PSMD5: variants seen among roughly 807,000 people sequenced by gnomAD.
The protein encoded by PSMD5 is 26S proteasome non-ATPase regulatory subunit 5.
PSMD5 carries 40 observed loss-of-function variants against 52.1 expected under a neutral mutation model. That is an observed-to-expected ratio of 0.77 (90% confidence interval 0.60 to 1.00). PSMD5 has a LOEUF of 1.00. Ranked by LOEUF, PSMD5 falls within the 50% of genes least tolerant of loss-of-function variation. The probability of loss-of-function intolerance (pLI) is 0.00; values close to 1 mark genes in which losing one functional copy is unlikely to be tolerated. For synonymous variants in PSMD5, 211 were observed against 226.6 expected, an observed-to-expected ratio of 0.93 and a Z score of 0.62; for missense variants, 575 against 605.2, an observed-to-expected ratio of 0.95 and a Z score of 0.52.
intron 5 of PSMD5, among the ~76,000 whole-genome samples, 199 bp from the exon 6 acceptor site, chr9:120,827,106 C>T (rs1028064188): frequency 2.0e-5 from 3 of 152,180 alleles, no homozygotes; most frequent in African/African-American, 7.2e-5. Context: ...TTATTATAGG[C>T]AGAGTTTAGA....
chr9:120,837,435 TA>T (rs1223954904), intron 1 of PSMD5, among the ~76,000 whole-genome samples: 1 of 152,186 alleles, frequency 6.6e-6, no homozygotes, highest in Non-Finnish European at 1.5e-5. Context: ...CAGGTCACTG[TA>T]GCCTCCACCT....
chr9:120,820,406 G>A (rs368521411), intron 9 of PSMD5, among the ~76,000 whole-genome samples: 18 of 152,310 alleles, frequency 1.2e-4, no homozygotes, highest in East Asian at 5.8e-4. Context: ...AGTCCTTGAC[G>A]AGTGAGTAAG....
chr9:120,827,545 G>C (rs1181097098), intron 5 of PSMD5, among the ~76,000 whole-genome samples: 1 of 152,050 alleles, frequency 6.6e-6, no homozygotes, highest in Non-Finnish European at 1.5e-5. Flanking sequence ...AAACTGTTTT[G>C]ACTGACCATT....
At chr9:120,828,186 G>A (rs1472951448) in intron 5 of PSMD5, among the ~76,000 whole-genome samples, 1 of 152,042 alleles carries the variant, frequency 6.6e-6, no homozygotes, top group Non-Finnish European at 1.5e-5. Flanking sequence ...TTTTAGTAGA[G>A]ACAGGGTTTC....
intron 1 of PSMD5, among the ~76,000 whole-genome samples, chr9:120,839,172 G>A (rs921964064): frequency 6.6e-6 from 1 of 152,140 alleles, no homozygotes; most frequent in East Asian, 1.9e-4. Context: ...TGCAAGTCAG[G>A]CTTAAGGAAA....
At chr9:120,832,138 G>A (rs111810311) in intron 2 of PSMD5, among the ~76,000 whole-genome samples, 193 bp from the exon 3 acceptor site, 37 of 152,172 alleles carry the variant, frequency 2.4e-4, no homozygotes, top group African/African-American at 8.4e-4. Context: ...ATCTTTGAAA[G>A]GAAAGAAAAA....
intron 7 of PSMD5, among the ~76,000 whole-genome samples, chr9:120,823,797 C>T (rs2045102765): frequency 6.6e-6 from 1 of 152,014 alleles, no homozygotes; most frequent in East Asian, 1.9e-4. Flanking sequence ...CAGGCATGAA[C>T]CATTGTATCT....
intron 1 of PSMD5, among the ~76,000 whole-genome samples, chr9:120,838,253 C>T (rs1247172433): frequency 6.6e-6 from 1 of 152,166 alleles, no homozygotes; most frequent in African/African-American, 2.4e-5. Context: ...TTATTAAGTG[C>T]AGTTCATTGT....
chr9:120,818,012 G>A lies in PSMD5; in HGVS notation c.1409C>T (p.Ala470Val). The part of the protein sequence containing the change: ...VKALANSKTI[A>V]EIFGNPNYLR... ...ATAATTTGGGTTCCCAAAGATTTCT[G>A]CAATTGTCTTGGAATTGGCAAGTGC... Residue 470 changes from alanine (A) to valine (V), a missense_variant, in exon 10 of 10, where the codon GCA becomes GTA. Ala to Val is a moderately conservative substitution (Grantham distance 64). Transcript: ENST00000210313. The A allele has an allele frequency of 1.9e-6, 3 of 1,614,190 alleles. No homozygotes were observed. Among genetic ancestry groups the A allele is most frequent in the Non-Finnish European group, 2.5e-6 (3 of 1,180,038 alleles).
rs558048919 is a variant in PSMD5, at chr9:120,829,215, TAAAA to T, written c.562-11_562-8del. On this transcript the variant is annotated splice_polypyrimidine_tract_variant and splice_region_variant and intron_variant, in intron 4 of 9. Transcript: ENST00000210313. ...AAGAAATCTCTATAATTAGCTGAAA[TAAAA>T]AAAAAAACACAGAAAAAAGAAAAAG... 3 of 1,227,652 alleles carry T rather than the reference TAAAA, an allele frequency of 2.4e-6. No individual in the cohort carries two copies. The South Asian group carries it at 4.7e-5, about 19-fold the overall frequency. 76.0% of individuals were successfully genotyped at this position (1,227,652 alleles called of 1,614,324 possible).
rs1326438987 is a variant in PSMD5, at chr9:120,826,860, C to A, written c.719G>T (p.Gly240Val). 1 of 1,613,668 alleles carries A rather than the reference C, an allele frequency of 6.2e-7. No homozygotes were observed. Among genetic ancestry groups the A allele is most frequent in the African/African-American group, 1.3e-5 (1 of 75,010 alleles). The stretch of plus-strand genomic sequence containing the variant: ...TCCTTCTTGAGCAAGATATTGTCGC[C>A]CATGATGAGTATATGCCAGTGATGT... ...MVTSLAYTHH[G>V]RQYLAQEGVI... Residue 240 changes from glycine to valine, a missense_variant, in exon 6 of 10, where the codon GGG becomes GTG. Coordinates refer to ENST00000210313, the MANE Select transcript of PSMD5 (RefSeq NM_005047.4).
At chr9:120,832,940 C>T (rs1028126541) in intron 2 of PSMD5, among the ~76,000 whole-genome samples, 6 of 152,216 alleles carry the variant, frequency 3.9e-5, no homozygotes, top group Non-Finnish European at 7.3e-5. Flanking sequence ...TATTTGAACA[C>T]ATAGGAATCT....
At chr9:120,839,993 TG>T (rs1467785108) in intron 1 of PSMD5, among the ~76,000 whole-genome samples, 2 of 151,220 alleles carry the variant, frequency 1.3e-5, no homozygotes, top group East Asian at 3.9e-4. Context: ...GTTGTGGTGG[TG>T]GCACGTGCCT....
chr9:120,821,410 G>A lies in PSMD5; in HGVS notation c.1061C>T (p.Pro354Leu), dbSNP rs2045083446. The part of the protein sequence containing the change: ...MRIGHQSKNA[P>L]VELKIRCLDA... ...CAAACATCTAATTTTTAGCTCCACT[G>A]GGGCATTCTTTGATTGATGTCCTAT... Residue 354 changes from proline (P) to leucine (L), a missense_variant, in exon 8 of 10, where the codon CCA becomes CTA. Transcript: ENST00000210313. 1 of 1,609,648 alleles carries A rather than the reference G, an allele frequency of 6.2e-7. No individual in the cohort carries two copies. Among genetic ancestry groups the A allele is most frequent in the Non-Finnish European group, 8.5e-7 (1 of 1,177,938 alleles).
chr9:120,832,092 A>C, intron 2 of PSMD5, 147 bp from the exon 3 acceptor site: 1 of 1,352,546 alleles, frequency 7.4e-7, no homozygotes, highest in East Asian at 2.5e-5. Context: ...AAATGACCTA[A>C]ATTCATTCAG....
chr9:120,829,222 A>T lies in PSMD5; in HGVS notation c.562-14T>A. 1 of 1,565,994 alleles carries T rather than the reference A, an allele frequency of 6.4e-7. No individual in the cohort carries two copies. Among genetic ancestry groups the T allele is most frequent in the Middle Eastern group, 1.7e-4 (1 of 5,800 alleles). On this transcript the variant is annotated splice_polypyrimidine_tract_variant and intron_variant, in intron 4 of 9. Transcript: ENST00000210313. Reference sequence around the variant, plus strand: ...CTCTATAATTAGCTGAAATAAAAAAAAAAACACAGAAAAAAGAAAAAGGTC... The same window carrying T: ...CTCTATAATTAGCTGAAATAAAAAATAAAACACAGAAAAAAGAAAAAGGTC...
intron 9 of PSMD5, 44 bp downstream of exon 9, chr9:120,820,795 G>A (rs1366148585): frequency 6.6e-7 from 1 of 1,511,614 alleles, no homozygotes; most frequent in Non-Finnish European, 8.8e-7. Context: ...CTCAAGTGTT[G>A]AGCTGGCAGG....
intron 1 of PSMD5, among the ~76,000 whole-genome samples, chr9:120,840,060 G>A (rs945262583): frequency 2.0e-5 from 3 of 148,098 alleles, no homozygotes; most frequent in South Asian, 2.1e-4. Context: ...CCTGGGAGGC[G>A]AGGTTACAGT....
chr9:120,840,263 A>G (rs1006263202), intron 1 of PSMD5, among the ~76,000 whole-genome samples: 21 of 148,242 alleles, frequency 1.4e-4, no homozygotes, highest in Non-Finnish European at 2.1e-4. Flanking sequence ...AGCTGGGACT[A>G]TAGGCACGCA....
Sources: allele counts gnomAD v4.1 joint callset (sites outside exome capture counted in the v4.1 genomes callset), GRCh38; gene constraint gnomAD v4.1.1; transcripts MANE v1.5; gene names NCBI Gene and HGNC (gene_info 2026-07-23, HGNC 2026-07-21).